Variants in TMOD3 observed in about 807,000 individuals in gnomAD.
TMOD3 encodes tropomodulin 3, also known as tropomodulin-3.
In TMOD3, 20 loss-of-function variants were observed where a neutral mutation model predicts 39.2. The observed-to-expected ratio is 0.51, with a 90% CI of 0.36 to 0.74. The LOEUF is 0.74. Ranked by LOEUF, TMOD3 falls within the 30% of genes least tolerant of loss-of-function variation. The probability of loss-of-function intolerance (pLI) is 0.00; values close to 1 mark genes in which losing one functional copy is unlikely to be tolerated. For missense variants in TMOD3, 381 were observed against 412.8 expected, an observed-to-expected ratio of 0.92 and a Z score of 0.67; for synonymous variants, 143 against 145.8, an observed-to-expected ratio of 0.98 and a Z score of 0.14.
At chr15:51,853,081 T>C (rs2056370453) in intron 1 of TMOD3, among the ~76,000 whole-genome samples, 1 of 152,180 alleles carries the variant, frequency 6.6e-6, no homozygotes, top group African/African-American at 2.4e-5. Context: ...AGCCAAAATA[T>C]CAATTTATTA....
At position 51,910,259 on chromosome 15, in the gene TMOD3, G is replaced by A. The variant is rs1054367962; in HGVS notation, c.*1449G>A. ...GTCTCATTTCTGAGGAAGGCAAGGTGGCTAATCATTATTAATTTTTTTTAA... is the reference window on the plus strand; with the variant it reads ...GTCTCATTTCTGAGGAAGGCAAGGTAGCTAATCATTATTAATTTTTTTTAA... On this transcript the variant is annotated 3_prime_UTR_variant, in exon 10 of 10. Coordinates refer to ENST00000308580, the MANE Select transcript of TMOD3 (RefSeq NM_014547.5). 6.6e-6 allele frequency: 1 copy of A among 152,198 alleles called. No individual in the cohort carries two copies. Among genetic ancestry groups the A allele is most frequent in the Admixed American group, 6.5e-5 (1 of 15,268 alleles). The allele number at this position is 152,198 out of a possible 1,614,324, so 9.4% of individuals were successfully genotyped here.
chr15:51,889,048 A>C lies in TMOD3; in HGVS notation c.407-8A>C, dbSNP rs747279175. Reference sequence around the variant, plus strand: ...AACAATAAAAACTTTCTTTTTCTGTATTTATAGCAATTCTTGGGATGCACA... The same window carrying C: ...AACAATAAAAACTTTCTTTTTCTGTCTTTATAGCAATTCTTGGGATGCACA... On this transcript the variant is annotated splice_polypyrimidine_tract_variant and splice_region_variant and intron_variant, in intron 4 of 9. Transcript: ENST00000308580. The C allele has an allele frequency of 6.4e-7, 1 of 1,553,184 alleles. No homozygotes were observed. Among genetic ancestry groups the C allele is most frequent in the Non-Finnish European group, 8.7e-7 (1 of 1,147,776 alleles).
At position 51,830,518 on chromosome 15, in the gene TMOD3, C is replaced by CT. The variant is rs565823310; in HGVS notation, c.-75+689dup. Among the ~76,000 whole-genome samples the CT allele has an allele frequency of 4.6e-5, 7 of 152,226 alleles. No homozygotes were observed. In the South Asian group the frequency reaches 1.5e-3, roughly 32 times the overall value. On this transcript the variant is annotated intron_variant, in intron 1 of 9. Coordinates refer to ENST00000308580, the MANE Select transcript of TMOD3 (RefSeq NM_014547.5). Reference sequence around the variant, plus strand: ...CAGAAATGGGAAACAGCCACAGTTTCTTTTTTTCTTTTTAATGTTTAGTTA... The same window carrying CT: ...CAGAAATGGGAAACAGCCACAGTTTCTTTTTTTTCTTTTTAATGTTTAGTTA...
At chr15:51,869,530 T>C (rs1209814591) in intron 3 of TMOD3, among the ~76,000 whole-genome samples, 157 bp downstream of exon 3, 1 of 152,246 alleles carries the variant, frequency 6.6e-6, no homozygotes, top group Non-Finnish European at 1.5e-5. Flanking sequence ...ATACTTTATT[T>C]ACATTTTTCA....
At chr15:51,853,308 C>T (rs2056371617) in intron 1 of TMOD3, among the ~76,000 whole-genome samples, 1 of 152,070 alleles carries the variant, frequency 6.6e-6, no homozygotes, top group African/African-American at 2.4e-5. Context: ...TTCAAGTGAT[C>T]CTCCCACCTC....
Position 51,914,662 on chromosome 15 carries a change from C to G in TMOD3, c.*5852C>G, listed in dbSNP as rs1267403003. On this transcript the variant is annotated 3_prime_UTR_variant, in exon 10 of 10. Transcript: ENST00000308580. ...CCTGGGTGACAGAGTGAGACTCCAT[C>G]TCAAAAAAATATATGTATTAAGAAA... 1 of 155,144 alleles carries G rather than the reference C, an allele frequency of 6.4e-6. No homozygotes were observed. Among genetic ancestry groups the G allele is most frequent in the Admixed American group, 6.5e-5 (1 of 15,344 alleles). The allele number at this position is 155,144 out of a possible 1,614,324, so 9.6% of individuals were successfully genotyped here.
At chr15:51,865,479 A>C (rs916779620) in intron 2 of TMOD3, among the ~76,000 whole-genome samples, 4 of 152,158 alleles carry the variant, frequency 2.6e-5, no homozygotes, top group Non-Finnish European at 5.9e-5. Context: ...CAACTCATGC[A>C]CTATGGTATC....
intron 1 of TMOD3, chr15:51,833,200 T>C (rs2056264900): frequency 6.6e-6 from 1 of 152,348 alleles, no homozygotes; most frequent in Non-Finnish European, 1.5e-5. Flanking sequence ...CATTCTGTTA[T>C]CTATATGTGT....
intron 9 of TMOD3, among the ~76,000 whole-genome samples, chr15:51,908,281 C>G (rs1202950946): frequency 6.6e-6 from 1 of 152,140 alleles, no homozygotes; most frequent in Non-Finnish European, 1.5e-5. Flanking sequence ...TTTCAGTAAA[C>G]AAATGACTTG....
chr15:51,901,837 GA>G, intron 8 of TMOD3, 54 bp from the exon 9 acceptor site: 2 of 1,556,540 alleles, frequency 1.3e-6, no homozygotes, highest in Non-Finnish European at 1.7e-6. Flanking sequence ...AATTTACCTT[GA>G]AAAGTATTTT....
chr15:51,859,967 G>A, intron 1 of TMOD3: 1 of 545,950 alleles, frequency 1.8e-6, no homozygotes, highest in Admixed American at 1.9e-5. Context: ...TGTCTTCTTA[G>A]TAAATCTTTC....
Position 51,914,226 on chromosome 15 carries a change from A to G in TMOD3, c.*5416A>G, listed in dbSNP as rs1005697637. On this transcript the variant is annotated 3_prime_UTR_variant, in exon 10 of 10. Transcript: ENST00000308580. Reference sequence around the variant, plus strand: ...CTTGAGCCTGGGAGGTTGAAGCAGCAGTGAGCTTTGATCATGCCACTGCAT... The same window carrying G: ...CTTGAGCCTGGGAGGTTGAAGCAGCGGTGAGCTTTGATCATGCCACTGCAT... 1.3e-5 allele frequency: 2 copies of G among 152,206 alleles called. No individual in the cohort carries two copies. The highest frequency in any genetic ancestry group is 4.8e-5 in the African/African-American group (2 of 41,432). 9.4% of individuals were successfully genotyped at this position (152,206 alleles called of 1,614,324 possible).
intron 1 of TMOD3, among the ~76,000 whole-genome samples, chr15:51,861,520 A>C (rs1370734310): frequency 6.6e-6 from 1 of 150,406 alleles, no homozygotes; most frequent in East Asian, 1.9e-4. Context: ...ACATACTAAA[A>C]TATTAAGCTG....
intron 1 of TMOD3, among the ~76,000 whole-genome samples, chr15:51,855,343 G>A (rs927037465): frequency 3.3e-5 from 5 of 152,186 alleles, no homozygotes; most frequent in African/African-American, 9.7e-5. Flanking sequence ...GAAACACTGG[G>A]GGTGGGCCCA....
At chr15:51,875,162 A>G (rs533371249) in intron 3 of TMOD3, 16 of 152,204 alleles carry the variant, frequency 1.1e-4, no homozygotes, top group African/African-American at 3.6e-4. Flanking sequence ...TTTGGAGGAA[A>G]GACAGACCTG....
At chr15:51,894,026 G>A in intron 6 of TMOD3, 81 bp downstream of exon 6, 1 of 1,261,440 alleles carries the variant, frequency 7.9e-7, no homozygotes. Flanking sequence ...TGATAAAATA[G>A]TCTAATTCTT....
At chr15:51,861,085 T>C in intron 1 of TMOD3, 1 of 606,324 alleles carries the variant, frequency 1.6e-6, no homozygotes. Flanking sequence ...CGTGTTCTTC[T>C]CTGGATCTGT....
At chr15:51,861,951 G>C (rs549247162) in intron 1 of TMOD3, among the ~76,000 whole-genome samples, 1 of 152,224 alleles carries the variant, frequency 6.6e-6, no homozygotes, top group East Asian at 1.9e-4. Context: ...CCCAGTACTA[G>C]GTATATTTTA....
intron 3 of TMOD3, among the ~76,000 whole-genome samples, chr15:51,877,726 C>A (rs1408460201): frequency 6.6e-6 from 1 of 151,604 alleles, no homozygotes; most frequent in African/African-American, 2.4e-5. Flanking sequence ...GAGCAGTGTT[C>A]AGTCTAGGGC....
Sources: allele counts gnomAD v4.1 joint callset (sites outside exome capture counted in the v4.1 genomes callset), GRCh38; gene constraint gnomAD v4.1.1; transcripts MANE v1.5; gene names NCBI Gene and HGNC (gene_info 2026-07-23, HGNC 2026-07-21).